The following FAM133A variants were observed in gnomAD, a reference collection of about 807,000 sequenced individuals.
FAM133A encodes protein FAM133A.
For synonymous variants in FAM133A, 65 were observed against 58.6 expected (o/e 1.11, Z -0.50); for missense variants, 159 against 164.4 (o/e 0.97, Z 0.18).
intron 2 of FAM133A, among the ~76,000 whole-genome samples, chrX:93,684,256 G>A (rs1256982150): frequency 8.9e-6 from 1 of 112,008 alleles, no homozygotes; most frequent in Non-Finnish European, 1.9e-5. Flanking sequence ...TTATTGAAGA[G>A]TCTGCCCTTT....
chrX:93,695,479 C>T (rs1234318150), intron 2 of FAM133A, among the ~76,000 whole-genome samples: 2 of 109,280 alleles, frequency 1.8e-5, no homozygotes, highest in Non-Finnish European at 3.8e-5. Context: ...TCTCGAACTC[C>T]TGGCCTCAGG....
chrX:93,683,448 A>C (rs1925298991), intron 2 of FAM133A, among the ~76,000 whole-genome samples: 1 of 111,910 alleles, frequency 8.9e-6, no homozygotes, highest in African/African-American at 3.2e-5. Flanking sequence ...AACTTGCCAC[A>C]TTGCCTTTTC....
chrX:93,710,099 A>G lies in FAM133A; in HGVS notation c.680A>G (p.Lys227Arg). The change falls in exon 4 of 4, where the codon AAG becomes AGG. Residue 227 changes from lysine to arginine, a missense_variant. Physicochemically the swap from Lys to Arg is conservative, Grantham distance 26. Transcript: ENST00000683942. ...AAGGAAAAAGTAAAGAAGAAGAAGA[A>G]GAAACAGCACAAGAAACATAGTAAG... ...QAKEKVKKKK[K>R]KQHKKHSKKK... The G allele has an allele frequency of 8.3e-7, 1 of 1,198,929 alleles. No individual in the cohort carries two copies. Among genetic ancestry groups the G allele is most frequent in the Non-Finnish European group, 1.1e-6 (1 of 889,000 alleles).
At chrX:93,676,617 TG>T (rs1403288537) in intron 2 of FAM133A, among the ~76,000 whole-genome samples, 13 of 108,969 alleles carry the variant, frequency 1.2e-4, no homozygotes, top group Admixed American at 9.9e-4. Context: ...TAAAATTGGT[TG>T]TTTTTTTTTT....
chrX:93,695,157 T>C (rs2147627801), intron 2 of FAM133A, among the ~76,000 whole-genome samples: 2 of 112,081 alleles, frequency 1.8e-5, no homozygotes, highest in South Asian at 7.4e-4. Context: ...AATATGCATA[T>C]TTTTCCTATT....
At chrX:93,701,977 CT>C (rs1451712581) in intron 3 of FAM133A, among the ~76,000 whole-genome samples, 1 of 111,697 alleles carries the variant, frequency 9.0e-6, no homozygotes, top group Non-Finnish European at 1.9e-5. Context: ...AATAAATGGA[CT>C]TTGTCGATGA....
intron 2 of FAM133A, among the ~76,000 whole-genome samples, chrX:93,683,531 G>T (rs1197708368): frequency 8.9e-6 from 1 of 111,805 alleles, no homozygotes; most frequent in Non-Finnish European, 1.9e-5. Flanking sequence ...TCTTTGGAAA[G>T]TCAAATCATA....
chrX:93,682,276 C>A (rs1283027919), intron 2 of FAM133A, among the ~76,000 whole-genome samples: 5 of 112,013 alleles, frequency 4.5e-5, no homozygotes, highest in Non-Finnish European at 9.4e-5. Flanking sequence ...AGTGCATGTC[C>A]AAACAGTTTT....
rs5983243 is a variant in FAM133A, at chrX:93,699,545, C to A, written c.-104+1060C>A. On this transcript the variant is annotated intron_variant, in intron 3 of 3. Coordinates refer to ENST00000683942, the MANE Select transcript of FAM133A (RefSeq NM_001171109.2). The stretch of plus-strand genomic sequence containing the variant: ...CAGATTGTCATTCCCTACCTAATAT[C>A]CTCCAGCGGCTTTCTTTTAATCTCT... 9.3e-3 allele frequency among the ~76,000 whole-genome samples: 1,037 copies of A among 111,356 alleles called. 10 individuals carry two copies. Among genetic ancestry groups the A allele is most frequent in the African/African-American group, 0.032 (986 of 30,730 alleles).
At chrX:93,701,062 A>G (rs1006503035) in intron 3 of FAM133A, among the ~76,000 whole-genome samples, 2 of 111,489 alleles carry the variant, frequency 1.8e-5, no homozygotes, top group African/African-American at 6.5e-5. Context: ...TCTTGGCACA[A>G]CTAGATGCTA....
intron 2 of FAM133A, among the ~76,000 whole-genome samples, chrX:93,695,682 C>T (rs1332795737): frequency 1.1e-5 from 1 of 88,992 alleles, no homozygotes; most frequent in Non-Finnish European, 2.1e-5. Flanking sequence ...CGCTCTTTCG[C>T]CCAGGCTGGA....
chrX:93,695,435 G>A (rs1926170564), intron 2 of FAM133A, among the ~76,000 whole-genome samples: 1 of 104,240 alleles, frequency 9.6e-6, no homozygotes, highest in African/African-American at 3.5e-5. Context: ...TCTAGTTTTA[G>A]TAGAGATGGG....
At chrX:93,698,529 A>T (rs1316595696) in intron 3 of FAM133A, 44 bp downstream of exon 3, 1 of 111,808 alleles carries the variant, frequency 8.9e-6, no homozygotes, top group Non-Finnish European at 1.9e-5. Flanking sequence ...CTGTCAAATT[A>T]TGCTGATCCA....
intron 2 of FAM133A, among the ~76,000 whole-genome samples, chrX:93,684,302 A>G (rs1444249901): frequency 1.8e-5 from 2 of 112,044 alleles, no homozygotes; most frequent in Non-Finnish European, 3.8e-5. Context: ...GTCAAAAATC[A>G]GTTGGCTGTA....
chrX:93,677,079 CTTGT>C (rs1924760050), intron 2 of FAM133A, among the ~76,000 whole-genome samples: 1 of 110,372 alleles, frequency 9.1e-6, no homozygotes, highest in Non-Finnish European at 1.9e-5. Context: ...ATATCATATG[CTTGT>C]TTTTCTTAAT....
chrX:93,709,803 A>G lies in FAM133A; in HGVS notation c.384A>G (p.Gly128=). ...SDSEDEEKKQ[G]KRRKKKKNRS... ...CTGAGGATGAGGAAAAGAAACAAGG[A>G]AAAAGGAGAAAGAAAAAGAAGAACC... The change falls in exon 4 of 4, where the codon GGA becomes GGG. Residue 128 remains glycine (G), a synonymous_variant. Transcript: ENST00000683942. The G allele has an allele frequency of 8.4e-7, 1 of 1,194,712 alleles. No homozygotes were observed. Among genetic ancestry groups the G allele is most frequent in the Non-Finnish European group, 1.1e-6 (1 of 886,345 alleles).
chrX:93,682,080 C>T (rs768534572), intron 2 of FAM133A, among the ~76,000 whole-genome samples: 2 of 111,748 alleles, frequency 1.8e-5, no homozygotes, highest in Admixed American at 9.6e-5. Flanking sequence ...TGATACTTCA[C>T]TGTCTTGAAT....
intron 2 of FAM133A, among the ~76,000 whole-genome samples, chrX:93,690,293 T>C (rs1925802399): frequency 9.0e-6 from 1 of 111,426 alleles, no homozygotes; most frequent in Non-Finnish European, 1.9e-5. Flanking sequence ...TTTTAGCAAA[T>C]TTATAGAGAG....
chrX:93,694,737 A>G (rs1326640352), intron 2 of FAM133A, among the ~76,000 whole-genome samples: 1 of 110,816 alleles, frequency 9.0e-6, no homozygotes, highest in Non-Finnish European at 1.9e-5. Flanking sequence ...GGAGATGGGT[A>G]AGTACATCAA....
Sources: allele counts gnomAD v4.1 joint callset (sites outside exome capture counted in the v4.1 genomes callset), GRCh38; gene constraint gnomAD v4.1.1; transcripts MANE v1.5; gene names NCBI Gene and HGNC (gene_info 2026-07-23, HGNC 2026-07-21).